Variants in LAMA3 observed in about 807,000 individuals in gnomAD.
LAMA3 encodes the protein laminin subunit alpha 3, also known as laminin subunit alpha-3.
In LAMA3, 281 loss-of-function variants were observed where a neutral mutation model predicts 402.0. That is an observed-to-expected ratio of 0.70 (90% CI 0.63 to 0.77). The LOEUF is 0.77. LAMA3 is among the 30% of genes least tolerant of loss of function. The probability of loss-of-function intolerance (pLI) is 0.00; values close to 1 mark genes in which losing one functional copy is unlikely to be tolerated. For missense variants in LAMA3, 3,840 were observed against 4,215.5 expected, an observed-to-expected ratio of 0.91 and a Z score of 2.47; for synonymous variants, 1,431 against 1,558.4, an observed-to-expected ratio of 0.92 and a Z score of 1.93.
rs138382572 is a variant in LAMA3 at position 23,727,877 on chromosome 18, G to A, written c.447+13805G>A. ...CCCCAGTAGCTAGGAGCACAGGCAC[G>A]TGCCACCACACCCCACTATTGATTT... On this transcript the variant is annotated intron_variant, in intron 2 of 74. Coordinates refer to ENST00000313654, the MANE Select transcript of LAMA3 (RefSeq NM_198129.4). Among the ~76,000 whole-genome samples, 118 of 151,948 alleles carry A rather than the reference G, an allele frequency of 7.8e-4. No homozygotes were observed. The East Asian group carries it at 0.02, about 26-fold the overall frequency.
intron 23 of LAMA3, among the ~76,000 whole-genome samples, chr18:23,827,840 A>T (rs1415592000): frequency 1.3e-5 from 2 of 152,168 alleles, no homozygotes; most frequent in Non-Finnish European, 2.9e-5. Flanking sequence ...AGCTTACCCT[A>T]AAAGGATACC....
At chr18:23,844,457 G>A (rs1174046273) in intron 29 of LAMA3, among the ~76,000 whole-genome samples, 5 of 152,190 alleles carry the variant, frequency 3.3e-5, no homozygotes, top group Non-Finnish European at 7.3e-5. Flanking sequence ...TGGCCATCCA[G>A]CAGGCCCCTG....
rs2145312074 is a variant in LAMA3 at position 23,921,369 on chromosome 18, T to C, written c.8044-83T>C. On this transcript the variant is annotated intron_variant, in intron 61 of 74. Transcript: ENST00000313654. Reference sequence around the variant, plus strand: ...ATAAATGAATCTGGGGGAAGATAAATAAAAACATGATAGTTCTGAACCCCT... The same window carrying C: ...ATAAATGAATCTGGGGGAAGATAAACAAAAACATGATAGTTCTGAACCCCT... The C allele has an allele frequency of 4.1e-6, 6 of 1,449,588 alleles. No individual in the cohort carries two copies. The East Asian group carries it at 1.4e-4, about 34-fold the overall frequency. The allele number at this position is 1,449,588 out of a possible 1,614,324, so 89.8% of individuals were successfully genotyped here. A position where few individuals can be genotyped will look rare whatever the true frequency, so the allele number is the denominator to read the frequency against.
intron 34 of LAMA3, among the ~76,000 whole-genome samples, chr18:23,861,430 C>T (rs1361187393): frequency 6.6e-6 from 1 of 152,184 alleles, no homozygotes; most frequent in Non-Finnish European, 1.5e-5. Context: ...AGATAAATCC[C>T]ACACATGTAA....
chr18:23,719,635 A>C (rs2061173911), intron 2 of LAMA3, among the ~76,000 whole-genome samples: 1 of 151,556 alleles, frequency 6.6e-6, no homozygotes, highest in South Asian at 2.1e-4. Flanking sequence ...CAATCATCTG[A>C]GAGTGAATTC....
intron 68 of LAMA3, among the ~76,000 whole-genome samples, chr18:23,939,982 C>T (rs1599152414): frequency 1.3e-5 from 2 of 152,170 alleles, no homozygotes; most frequent in South Asian, 4.1e-4. Context: ...CAGAATTGCC[C>T]GGGGGGCTAA....
chr18:23,792,820 TG>T (rs1350963750), intron 12 of LAMA3, among the ~76,000 whole-genome samples: 1 of 152,200 alleles, frequency 6.6e-6, no homozygotes, highest in Non-Finnish European at 1.5e-5. Context: ...GTGAGTGTCT[TG>T]GTTCCTGCCC....
At chr18:23,735,879 G>A (rs1260882603) in intron 2 of LAMA3, among the ~76,000 whole-genome samples, 1 of 152,048 alleles carries the variant, frequency 6.6e-6, no homozygotes, top group Non-Finnish European at 1.5e-5. Flanking sequence ...AGCCACATGG[G>A]CTGCCCGGCC....
intron 70 of LAMA3, among the ~76,000 whole-genome samples, chr18:23,949,099 C>T (rs1354629906): frequency 2.0e-5 from 3 of 152,148 alleles, no homozygotes; most frequent in South Asian, 4.1e-4. Flanking sequence ...TGTTCCTGGG[C>T]CCCAGGAGAG....
At chr18:23,751,207 G>A (rs560933447) in intron 5 of LAMA3, 119 bp downstream of exon 5, 10 of 963,648 alleles carry the variant, frequency 1.0e-5, no homozygotes, top group Non-Finnish European at 1.6e-5. Context: ...AGGTGTGGGA[G>A]TTGTTCTTAT....
chr18:23,814,345 G>T, intron 14 of LAMA3, 58 bp from the exon 15 acceptor site: 3 of 1,291,776 alleles, frequency 2.3e-6, no homozygotes, highest in Non-Finnish European at 3.4e-6. Flanking sequence ...TCACGCACAG[G>T]TTTGAAAACA....
intron 62 of LAMA3, among the ~76,000 whole-genome samples, chr18:23,924,000 A>G (rs2081927833): frequency 6.6e-6 from 1 of 152,228 alleles, no homozygotes; most frequent in South Asian, 2.1e-4. Context: ...AGAGATGCAT[A>G]TACATAGAGA....
Position 23,847,453 on chromosome 18 carries a change from C to T in LAMA3, c.3932-11C>T. 1 of 1,609,032 alleles carries T rather than the reference C, an allele frequency of 6.2e-7. No homozygotes were observed. The highest frequency in any genetic ancestry group is 8.5e-7 in the Non-Finnish European group (1 of 1,179,986). On this transcript the variant is annotated splice_polypyrimidine_tract_variant and intron_variant, in intron 31 of 74. Coordinates refer to ENST00000313654, the MANE Select transcript of LAMA3 (RefSeq NM_198129.4). The stretch of plus-strand genomic sequence containing the variant: ...TGACCCTCACATGGTATTTCTTTAT[C>T]CCCTGGCCAGCGTGCAGCTGTGGTC...
chr18:23,716,541 G>A (rs552969984), intron 2 of LAMA3, among the ~76,000 whole-genome samples: 51 of 152,236 alleles, frequency 3.4e-4, no homozygotes, highest in South Asian at 2.1e-3. Context: ...ACTTACCCAT[G>A]TCTGCTGGCT....
chr18:23,705,319 G>A (rs931253527), intron 1 of LAMA3, among the ~76,000 whole-genome samples: 5 of 151,806 alleles, frequency 3.3e-5, no homozygotes, highest in Admixed American at 6.6e-5. Flanking sequence ...CATCAGGCAC[G>A]GAGTTAGATT....
chr18:23,724,792 C>T (rs890888977), intron 2 of LAMA3, among the ~76,000 whole-genome samples: 38 of 152,172 alleles, frequency 2.5e-4, no homozygotes, highest in Admixed American at 1.2e-3. Flanking sequence ...TGACAGTTCA[C>T]GGAAGCTTGA....
At position 23,822,433 on chromosome 18, in the gene LAMA3, C is replaced by T. The variant is rs1489374836; in HGVS notation, c.2428+58C>T. 7.7e-6 allele frequency: 12 copies of T among 1,556,148 alleles called. No homozygotes were observed. The Admixed American group carries it at 1.7e-4, about 22-fold the overall frequency. On this transcript the variant is annotated intron_variant, in intron 20 of 74. Transcript: ENST00000313654. ...TTCAATTAAGAAATAAATAGTGAAACACTTTCTCTGATTTTCACAAAGTTG... is the reference window on the plus strand; with the variant it reads ...TTCAATTAAGAAATAAATAGTGAAATACTTTCTCTGATTTTCACAAAGTTG...
In LAMA3 at chr18:23,928,320, G is replaced by T; in HGVS notation, c.8295+80G>T. The T allele has an allele frequency of 5.5e-6, 5 of 906,426 alleles. No individual in the cohort carries two copies. The Admixed American group carries it at 7.7e-5, about 14-fold the overall frequency. 56.1% of individuals were successfully genotyped at this position (906,426 alleles called of 1,614,324 possible). A position where few individuals can be genotyped will look rare whatever the true frequency, so the allele number is the denominator to read the frequency against. ...CGTATCCATTAACGCAGCAACTTTT[G>T]ACTTCTTTCTGATAGCACACAGTGT... On this transcript the variant is annotated intron_variant, in intron 63 of 74. Transcript: ENST00000313654.
intron 34 of LAMA3, 137 bp from the exon 35 acceptor site, chr18:23,861,509 C>G (rs2064219692): frequency 3.4e-6 from 3 of 890,036 alleles, no homozygotes; most frequent in Non-Finnish European, 5.4e-6. Flanking sequence ...AGGGCAGGTG[C>G]AGGAGTAGAC....
Sources: allele counts gnomAD v4.1 joint callset (sites outside exome capture counted in the v4.1 genomes callset), GRCh38; gene constraint gnomAD v4.1.1; transcripts MANE v1.5; gene names NCBI Gene and HGNC (gene_info 2026-07-23, HGNC 2026-07-21).